The following IL1RAPL2 variants were observed in gnomAD, a reference collection of about 807,000 sequenced individuals.
The protein encoded by IL1RAPL2 is X-linked interleukin-1 receptor accessory protein-like 2.
In IL1RAPL2, 3 loss-of-function variants were observed where a neutral mutation model predicts 44.1. The observed-to-expected ratio is 0.07, with a 90% CI of 0.03 to 0.18. The LOEUF (loss-of-function observed/expected upper bound fraction) is 0.18, where lower values mean the gene tolerates loss of function less well. Among genes scored for constraint, IL1RAPL2 ranks in the 10% least tolerant of loss-of-function variants. The pLI, the probability that IL1RAPL2 is intolerant of heterozygous loss-of-function variation, is 1.00. For synonymous variants in IL1RAPL2, 181 were observed against 178.8 expected, an observed-to-expected ratio of 1.01 and a Z score of -0.10; for missense variants, 391 against 496.4, an observed-to-expected ratio of 0.79 and a Z score of 2.02.
chrX:105,271,377 C>T (rs932920465), intron 5 of IL1RAPL2, among the ~76,000 whole-genome samples: 1 of 112,063 alleles, frequency 8.9e-6, no homozygotes. Flanking sequence ...CCTACAGCGA[C>T]AGTTTTATTT....
intron 6 of IL1RAPL2, among the ~76,000 whole-genome samples, chrX:105,675,644 G>T (rs1461751368): frequency 9.0e-6 from 1 of 111,499 alleles, no homozygotes; most frequent in East Asian, 2.8e-4. Flanking sequence ...ATCTCTCCCA[G>T]GTTTTGGTAT....
intron 2 of IL1RAPL2, among the ~76,000 whole-genome samples, chrX:104,889,433 A>G (rs780517790): frequency 1.8e-5 from 2 of 111,643 alleles, no homozygotes; most frequent in East Asian, 5.7e-4. Flanking sequence ...AAAACAACAA[A>G]CTCACACACC....
chrX:105,479,757 A>G (rs1485886731), intron 5 of IL1RAPL2, among the ~76,000 whole-genome samples: 1 of 108,141 alleles, frequency 9.2e-6, no homozygotes, highest in East Asian at 2.9e-4. Flanking sequence ...AAATAAAATA[A>G]TAAAATAAAA....
chrX:105,487,667 G>A (rs1259446797), intron 6 of IL1RAPL2, among the ~76,000 whole-genome samples: 1 of 111,827 alleles, frequency 8.9e-6, no homozygotes, highest in Non-Finnish European at 1.9e-5. Flanking sequence ...ACTCTTTCAC[G>A]GATTTATTTA....
chrX:104,990,954 T>G (rs2030650858), intron 2 of IL1RAPL2, among the ~76,000 whole-genome samples: 1 of 111,325 alleles, frequency 9.0e-6, no homozygotes, highest in South Asian at 3.8e-4. Context: ...ATATTTGGCC[T>G]TATTAACCCT....
intron 2 of IL1RAPL2, among the ~76,000 whole-genome samples, chrX:104,952,094 T>C (rs1244933882): frequency 1.8e-5 from 2 of 111,866 alleles, no homozygotes; most frequent in Non-Finnish European, 3.8e-5. Context: ...TGTTGAAGAA[T>C]GTATGAGTTT....
intron 2 of IL1RAPL2, among the ~76,000 whole-genome samples, chrX:104,892,126 TGCATCCCAGGGATGAA>T (rs749965387): frequency 5.4e-5 from 6 of 111,777 alleles, no homozygotes; most frequent in Admixed American, 9.5e-5. Context: ...GAACCAGCCT[TGCATCCCAGGGATGAA>T]GCCCACTTGA....
At chrX:105,423,160 A>G (rs2035784911) in intron 5 of IL1RAPL2, among the ~76,000 whole-genome samples, 1 of 111,887 alleles carries the variant, frequency 8.9e-6, no homozygotes, top group Middle Eastern at 4.7e-3. Context: ...GTGCAAAGAA[A>G]ACTAAAAGCC....
At chrX:105,212,118 G>T (rs781953752) in intron 3 of IL1RAPL2, among the ~76,000 whole-genome samples, 1 of 111,634 alleles carries the variant, frequency 9.0e-6, no homozygotes, top group African/African-American at 3.3e-5. Context: ...AGACAGAACC[G>T]CTCACTCCCC....
intron 5 of IL1RAPL2, among the ~76,000 whole-genome samples, chrX:105,469,608 T>A (rs1053440558): frequency 3.6e-5 from 4 of 110,432 alleles, no homozygotes; most frequent in Non-Finnish European, 7.6e-5. Context: ...GTAGGAAGAC[T>A]AGAGTCTTTG....
intron 2 of IL1RAPL2, among the ~76,000 whole-genome samples, chrX:105,118,673 C>A (rs1184046537): frequency 8.9e-6 from 1 of 112,101 alleles, no homozygotes; most frequent in African/African-American, 3.2e-5. Context: ...TTCTGTTGTT[C>A]TTCTGAAATG....
intron 2 of IL1RAPL2, among the ~76,000 whole-genome samples, chrX:105,052,916 CTCTGTG>C (rs2031946622): frequency 9.0e-6 from 1 of 110,730 alleles, no homozygotes; most frequent in Admixed American, 9.7e-5. Context: ...TTGTTCCCCT[CTCTGTG>C]TCCAAGTGTT....
chrX:105,269,294 A>G (rs1006636046), intron 5 of IL1RAPL2, among the ~76,000 whole-genome samples: 1 of 110,971 alleles, frequency 9.0e-6, no homozygotes, highest in Non-Finnish European at 1.9e-5. Context: ...GTTGATTGCT[A>G]CAACCCATAT....
At chrX:105,043,992 A>G (rs1041719366) in intron 2 of IL1RAPL2, among the ~76,000 whole-genome samples, 2 of 111,927 alleles carry the variant, frequency 1.8e-5, no homozygotes, top group African/African-American at 6.5e-5. Flanking sequence ...CTTAAGGCTG[A>G]TGACTATTTA....
intron 5 of IL1RAPL2, among the ~76,000 whole-genome samples, chrX:105,433,619 G>C (rs1016741747): frequency 9.0e-6 from 1 of 111,165 alleles, no homozygotes; most frequent in African/African-American, 3.3e-5. Flanking sequence ...GTGTCATTAG[G>C]CTTTGAAAAT....
chrX:105,449,188 T>C (rs2035999163), intron 5 of IL1RAPL2, among the ~76,000 whole-genome samples: 1 of 111,368 alleles, frequency 9.0e-6, no homozygotes, highest in Non-Finnish European at 1.9e-5. Context: ...GTGTCTGTCT[T>C]GGGAAGGCTT....
intron 5 of IL1RAPL2, among the ~76,000 whole-genome samples, chrX:105,375,447 G>A (rs1021067918): frequency 4.5e-5 from 5 of 111,131 alleles, no homozygotes; most frequent in Non-Finnish European, 9.4e-5. Context: ...GGAGGCGGAG[G>A]TTGCAGTGAG....
chrX:105,493,675 T>C (rs1385646413), intron 6 of IL1RAPL2, among the ~76,000 whole-genome samples: 1 of 111,159 alleles, frequency 9.0e-6, no homozygotes, highest in East Asian at 2.8e-4. Flanking sequence ...GCTAAAGTTG[T>C]CACTCTTAAA....
intron 2 of IL1RAPL2, among the ~76,000 whole-genome samples, chrX:104,933,760 G>A (rs951189459): frequency 1.8e-5 from 2 of 111,291 alleles, no homozygotes; most frequent in African/African-American, 6.5e-5. Context: ...ACAGACAGTT[G>A]AAAATATGAG....
Sources: gnomAD v4.1 joint callset for allele counts (sites outside exome capture counted in the v4.1 genomes callset) on GRCh38, gnomAD v4.1.1 for gene constraint, MANE v1.5 for transcripts, NCBI Gene and HGNC (gene_info 2026-07-23, HGNC 2026-07-21) for gene names.